GNE: variants seen among roughly 807,000 people sequenced by gnomAD.
GNE encodes bifunctional UDP-N-acetylglucosamine 2-epimerase/N-acetylmannosamine kinase.
In GNE, 41 loss-of-function variants were observed where a neutral mutation model predicts 61.8. The observed-to-expected ratio is 0.66, with a 90% CI of 0.52 to 0.86. The LOEUF (loss-of-function observed/expected upper bound fraction) is 0.86. Among genes scored for constraint, GNE ranks in the 40% least tolerant of loss-of-function variants. The probability of loss-of-function intolerance (pLI) is 0.00; values close to 1 mark genes in which losing one functional copy is unlikely to be tolerated. For synonymous variants in GNE, 264 were observed against 326.4 expected, an observed-to-expected ratio of 0.81 and a Z score of 2.06; for missense variants, 608 against 909.1, an observed-to-expected ratio of 0.67 and a Z score of 4.26.
At chr9:36,269,277 A>G (rs924395612) in intron 1 of GNE, among the ~76,000 whole-genome samples, 5 of 151,574 alleles carry the variant, frequency 3.3e-5, no homozygotes, top group African/African-American at 1.2e-4. Flanking sequence ...GCCCCTTAAC[A>G]TGAACACTCT....
intron 2 of GNE, 151 bp from the exon 3 acceptor site, chr9:36,246,633 A>C: frequency 1.7e-6 from 1 of 598,878 alleles, no homozygotes. Flanking sequence ...AGCATAGACC[A>C]TAAGTGTAAA....
chr9:36,235,857 TCAACAATGAGTGGTG>T (rs1482422105), intron 4 of GNE, among the ~76,000 whole-genome samples: 1 of 152,166 alleles, frequency 6.6e-6, no homozygotes, highest in African/African-American at 2.4e-5. Flanking sequence ...GCCTAAGAAC[TCAACAATGAGTGGTG>T]TCAGCTAAAG....
At chr9:36,265,363 G>A (rs1202317204) in intron 1 of GNE, 1 of 452,990 alleles carries the variant, frequency 2.2e-6, no homozygotes, top group Admixed American at 2.4e-5. Context: ...ACCATGTTGG[G>A]AGCTCTGGGA....
chr9:36,232,332 CCCCGCCCCCCCT>C (rs34171474), intron 5 of GNE, among the ~76,000 whole-genome samples: 18,858 of 133,480 alleles, frequency 0.14, 1,471 homozygotes, highest in South Asian at 0.27. Context: ...ATTCTTGCCC[CCCCGCCCCCCCT>C]CCCGACATTC....
At chr9:36,265,638 C>T (rs558453245) in intron 1 of GNE, 1 of 307,260 alleles carries the variant, frequency 3.3e-6, no homozygotes, top group African/African-American at 2.1e-5. Flanking sequence ...GTCTCTAGGG[C>T]AGCGGTCCCC....
chr9:36,261,579 A>G (rs1201251442), upstream of GNE, among the ~76,000 whole-genome samples: 1 of 145,764 alleles, frequency 6.9e-6, no homozygotes, highest in Non-Finnish European at 1.5e-5. Flanking sequence ...AGATGTGGAT[A>G]TCTTTGGGGA....
upstream of GNE, among the ~76,000 whole-genome samples, chr9:36,260,245 A>C (rs909047409): frequency 1.3e-5 from 2 of 148,944 alleles, no homozygotes; most frequent in African/African-American, 5.0e-5. Flanking sequence ...AAACCACTGC[A>C]CTCCAGCCTG....
chr9:36,258,583 T>G, upstream of GNE: 2 of 892,228 alleles, frequency 2.2e-6, no homozygotes, highest in Non-Finnish European at 1.3e-6. Flanking sequence ...GTCCCCCACC[T>G]TCCCGGCGGT....
At chr9:36,234,192 T>C (rs1220290048) in intron 4 of GNE, 60 bp from the exon 5 acceptor site, 2 of 1,280,868 alleles carry the variant, frequency 1.6e-6, no homozygotes, top group African/African-American at 2.9e-5. Context: ...ACCATTTTCA[T>C]TGGCAAGTAT....
chr9:36,265,611 C>T, intron 1 of GNE: 2 of 357,718 alleles, frequency 5.6e-6, no homozygotes, highest in Admixed American at 2.7e-5. Context: ...TCAGCCACAA[C>T]ACTTTTAATT....
intron 3 of GNE, among the ~76,000 whole-genome samples, chr9:36,242,761 G>A (rs1248288934): frequency 8.4e-6 from 1 of 118,778 alleles, no homozygotes; most frequent in African/African-American, 3.3e-5. Context: ...TTTTTGAGAT[G>A]GAGTCTCGCT....
Position 36,214,881 on chromosome 9 carries a change from T to A in GNE, c.*2484A>T, listed in dbSNP as rs1389821912. 1 of 152,178 alleles carries A rather than the reference T, an allele frequency of 6.6e-6. No individual in the cohort carries two copies. Among genetic ancestry groups the A allele is most frequent in the African/African-American group, 2.4e-5 (1 of 41,444 alleles). 9.4% of individuals were successfully genotyped at this position (152,178 alleles called of 1,614,324 possible). On this transcript the variant is annotated 3_prime_UTR_variant, in exon 12 of 12. Transcript: ENST00000642385. Reference sequence around the variant, plus strand: ...CAAACTCTTTTTCACACTAACCCACTAGGAAGGATATAGTTCAAATGTAAT... The same window carrying A: ...CAAACTCTTTTTCACACTAACCCACAAGGAAGGATATAGTTCAAATGTAAT...
chr9:36,229,724 T>C (rs1054908294), intron 5 of GNE, among the ~76,000 whole-genome samples: 13 of 152,050 alleles, frequency 8.5e-5, no homozygotes. Context: ...AGATCACTCA[T>C]GGATAGGTCC....
At chr9:36,271,891 T>C (rs1831042627) in intron 1 of GNE, among the ~76,000 whole-genome samples, 1 of 152,150 alleles carries the variant, frequency 6.6e-6, no homozygotes. Context: ...CATAGTTCCT[T>C]GAATCATACC....
At chr9:36,235,807 C>T (rs966631972) in intron 4 of GNE, among the ~76,000 whole-genome samples, 5 of 152,138 alleles carry the variant, frequency 3.3e-5, no homozygotes, top group Non-Finnish European at 1.5e-5. Context: ...GATATCTTGA[C>T]ATTGCAGAGA....
At position 36,230,486 on chromosome 9, in the gene GNE, G is replaced by A. The variant is rs778773924; in HGVS notation, c.983-1378C>T. 1.2e-3 allele frequency among the ~76,000 whole-genome samples: 176 copies of A among 151,282 alleles called. 1 individual carries two copies. Among genetic ancestry groups the A allele is most frequent in the Non-Finnish European group, 2.2e-3 (150 of 67,852 alleles). On this transcript the variant is annotated intron_variant, in intron 5 of 11. Coordinates refer to ENST00000642385, the MANE Select transcript of GNE (RefSeq NM_005476.7). ...CAAGTCTTTTTTTTTTTGAGACGGA[G>A]TCTTGCTCTGTCACCCTGGCTGGAG... is the stretch of plus-strand genomic sequence containing the variant.
intron 1 of GNE, among the ~76,000 whole-genome samples, chr9:36,249,640 A>T (rs1312907849): frequency 6.6e-6 from 1 of 152,096 alleles, no homozygotes; most frequent in Non-Finnish European, 1.5e-5. Flanking sequence ...GCACTTTGGG[A>T]GGCCGAGGTG....
chr9:36,235,021 T>C (rs1391420658), intron 4 of GNE, among the ~76,000 whole-genome samples: 1 of 152,134 alleles, frequency 6.6e-6, no homozygotes, highest in Non-Finnish European at 1.5e-5. Context: ...GGACCAGAAA[T>C]ATTTTGGGTT....
At chr9:36,256,079 C>A (rs1311869905) in intron 1 of GNE, among the ~76,000 whole-genome samples, 1 of 151,900 alleles carries the variant, frequency 6.6e-6, no homozygotes, top group Non-Finnish European at 1.5e-5. Context: ...CATGTGACAC[C>A]ATGCCCAGCT....
Sources: allele counts gnomAD v4.1 joint callset (sites outside exome capture counted in the v4.1 genomes callset), GRCh38; gene constraint gnomAD v4.1.1; transcripts MANE v1.5; gene names NCBI Gene and HGNC (gene_info 2026-07-23, HGNC 2026-07-21).